The following CERS3 variants were observed in gnomAD, a reference collection of about 807,000 sequenced individuals.
CERS3 encodes LAG1 homolog, ceramide synthase 3.
CERS3 carries 33 observed loss-of-function variants against 50.3 expected under a neutral mutation model. The observed-to-expected ratio is 0.66, with a 90% confidence interval of 0.50 to 0.88. The LOEUF is 0.88. Among genes scored for constraint, CERS3 ranks in the 40% least tolerant of loss-of-function variants. CERS3 has a pLI of 0.00. For synonymous variants in CERS3, 176 were observed against 155.2 expected, an observed-to-expected ratio of 1.13 and a Z score of -0.99; for missense variants, 470 against 460.3, an observed-to-expected ratio of 1.02 and a Z score of -0.19.
chr15:100,516,441 C>T (rs1413934486), intron 2 of CERS3, among the ~76,000 whole-genome samples: 1 of 152,104 alleles, frequency 6.6e-6, no homozygotes, highest in East Asian at 1.9e-4. Flanking sequence ...GGGTTAATTC[C>T]ACCTACCACA....
chr15:100,538,432 C>T (rs1020983764), intron 1 of CERS3, among the ~76,000 whole-genome samples: 1 of 152,246 alleles, frequency 6.6e-6, no homozygotes, highest in Non-Finnish European at 1.5e-5. Context: ...GACATCCAGG[C>T]ATTTCTATAC....
chr15:100,433,344 G>A (rs1002716573), intron 11 of CERS3, among the ~76,000 whole-genome samples: 9 of 148,488 alleles, frequency 6.1e-5, no homozygotes, highest in East Asian at 2.1e-4. Flanking sequence ...TCCCCCCGCC[G>A]CCCCACCATT....
At chr15:100,414,847 T>C (rs1235556462) in intron 11 of CERS3, among the ~76,000 whole-genome samples, 1 of 134,648 alleles carries the variant, frequency 7.4e-6, no homozygotes, top group Non-Finnish European at 1.6e-5. Context: ...GAAGAAAACC[T>C]GGGCAATACC....
intron 11 of CERS3, among the ~76,000 whole-genome samples, chr15:100,424,957 C>G (rs1020973114): frequency 6.6e-6 from 1 of 152,178 alleles, no homozygotes; most frequent in Non-Finnish European, 1.5e-5. Flanking sequence ...GCTAAAAGGG[C>G]CCCAGATATG....
intron 10 of CERS3, among the ~76,000 whole-genome samples, chr15:100,456,657 G>A (rs903189874): frequency 6.6e-6 from 1 of 152,100 alleles, no homozygotes; most frequent in African/African-American, 2.4e-5. Context: ...AGATATTATT[G>A]CCATATGGGC....
intron 11 of CERS3, 146 bp from the exon 12 acceptor site, chr15:100,403,011 C>G (rs934187520): frequency 7.6e-6 from 6 of 788,362 alleles, no homozygotes; most frequent in Non-Finnish European, 5.9e-6. Flanking sequence ...TTGACTATAT[C>G]ATGGATCATA....
intron 1 of CERS3, among the ~76,000 whole-genome samples, chr15:100,524,531 T>C (rs1310210147): frequency 6.6e-6 from 1 of 152,236 alleles, no homozygotes; most frequent in East Asian, 1.9e-4. Flanking sequence ...AATAGCTCAT[T>C]ATGAAACCCT....
intron 1 of CERS3, among the ~76,000 whole-genome samples, chr15:100,522,489 A>G (rs145144632): frequency 5.9e-5 from 9 of 152,300 alleles, no homozygotes; most frequent in African/African-American, 2.2e-4. Flanking sequence ...ACTCTTCCTC[A>G]TGCCTCTCCC....
chr15:100,454,848 G>C (rs879839468), intron 11 of CERS3, among the ~76,000 whole-genome samples: 1 of 151,982 alleles, frequency 6.6e-6, no homozygotes, highest in Non-Finnish European at 1.5e-5. Context: ...AGAATATACA[G>C]GGAACTCAAA....
chr15:100,469,795 A>G (rs780826249), intron 9 of CERS3, among the ~76,000 whole-genome samples: 36 of 152,206 alleles, frequency 2.4e-4, no homozygotes, highest in Non-Finnish European at 4.0e-4. Flanking sequence ...AAGTTAGCAT[A>G]ATCAATTTTG....
At position 100,501,733 on chromosome 15, in the gene CERS3, T is replaced by A. The variant is rs138998383; in HGVS notation, c.117A>T (p.Leu39Phe). The A allele has an allele frequency of 3.1e-6, 5 of 1,613,904 alleles. No homozygotes were observed. The African/African-American group carries it at 5.3e-5, about 17-fold the overall frequency. Residue 39 changes from leucine (L) to phenylalanine (F), a missense_variant, in exon 3 of 12, where the codon TTA (leucine) becomes TTT (phenylalanine). Transcript: ENST00000679737. ...DGLVFVKPSH[L>F]YVTIPYAFLL... The stretch of plus-strand genomic sequence containing the variant: ...GAAAAGCATATGGAATTGTCACGTA[T>A]AAATGAGAAGGTTTTACAAAGACGA...
At chr15:100,437,006 C>T (rs950904377) in intron 11 of CERS3, among the ~76,000 whole-genome samples, 4 of 146,172 alleles carry the variant, frequency 2.7e-5, no homozygotes, top group African/African-American at 1.0e-4. Flanking sequence ...TGCAGTGGTG[C>T]AATCTCCACT....
chr15:100,531,965 G>A (rs2036948197), upstream of CERS3, among the ~76,000 whole-genome samples: 1 of 152,126 alleles, frequency 6.6e-6, no homozygotes, highest in African/African-American at 2.4e-5. Flanking sequence ...GCGGGTACCG[G>A]GTGCCTTTCA....
chr15:100,420,186 A>C (rs2032311575), intron 11 of CERS3, among the ~76,000 whole-genome samples: 1 of 146,802 alleles, frequency 6.8e-6, no homozygotes, highest in African/African-American at 2.5e-5. Context: ...ACCGCTAGCA[A>C]GACTAATAAA....
At chr15:100,530,661 G>T (rs573079029), upstream of CERS3, among the ~76,000 whole-genome samples, 1 of 152,216 alleles carries the variant, frequency 6.6e-6, no homozygotes, top group Admixed American at 6.5e-5. Flanking sequence ...TTCAATACTG[G>T]TCAAACAATT....
At chr15:100,494,210 C>CATATATAT (rs1170051830) in intron 3 of CERS3, among the ~76,000 whole-genome samples, 15 of 78,106 alleles carry the variant, frequency 1.9e-4, no homozygotes, top group African/African-American at 4.5e-4. Flanking sequence ...TTTTTCTTTT[C>CATATATAT]ATATATATAT....
intron 3 of CERS3, among the ~76,000 whole-genome samples, chr15:100,494,253 ATATATT>A (rs1256707593): frequency 0.057 from 884 of 15,540 alleles, 53 homozygotes; most frequent in Non-Finnish European, 0.13. Context: ...ATATATATAT[ATATATT>A]TGTTTTGAGA....
At chr15:100,450,764 GT>G (rs1213177908) in intron 11 of CERS3, among the ~76,000 whole-genome samples, 1 of 152,150 alleles carries the variant, frequency 6.6e-6, no homozygotes, top group Non-Finnish European at 1.5e-5. Context: ...TAGTCAAACT[GT>G]TGGAAGTCAA....
chr15:100,434,143 T>C (rs1231840400), intron 11 of CERS3, among the ~76,000 whole-genome samples: 1 of 152,250 alleles, frequency 6.6e-6, no homozygotes, highest in Non-Finnish European at 1.5e-5. Context: ...AGGCTCAGAC[T>C]GAAGACGTCC....
Sources: gnomAD v4.1 joint callset for allele counts (sites outside exome capture counted in the v4.1 genomes callset) on GRCh38, gnomAD v4.1.1 for gene constraint, MANE v1.5 for transcripts, NCBI Gene and HGNC (gene_info 2026-07-23, HGNC 2026-07-21) for gene names.